NFYC: variants seen among roughly 807,000 people sequenced by gnomAD.
NFYC encodes the protein CAAT box DNA-binding protein subunit C.
Under a neutral mutation model 53.1 loss-of-function variants are expected in NFYC, and 25 were observed. The ratio of observed to expected loss-of-function variants is 0.47; its 90% CI spans 0.34 to 0.66. NFYC has a LOEUF of 0.66. Among genes scored for constraint, NFYC ranks in the 30% least tolerant of loss-of-function variants. The pLI, the probability that NFYC is intolerant of heterozygous loss-of-function variation, is 0.01. For synonymous variants in NFYC, 145 were observed against 152.6 expected (o/e 0.95, Z 0.37); for missense variants, 260 against 422.7 (o/e 0.62, Z 3.38).
At chr1:40,704,319 C>A (rs7522671) in intron 1 of NFYC, among the ~76,000 whole-genome samples, 1 of 151,984 alleles carries the variant, frequency 6.6e-6, no homozygotes, top group Non-Finnish European at 1.5e-5. Flanking sequence ...GATCTGCCCC[C>A]CTCAGCCTCC....
At chr1:40,722,375 A>G (rs1341133653) in intron 1 of NFYC, among the ~76,000 whole-genome samples, 1 of 152,190 alleles carries the variant, frequency 6.6e-6, no homozygotes, top group Non-Finnish European at 1.5e-5. Context: ...GGGCTTAAAA[A>G]TTATTTCATG....
chr1:40,694,745 G>C (rs976987375), intron 1 of NFYC, among the ~76,000 whole-genome samples: 1 of 151,764 alleles, frequency 6.6e-6, no homozygotes, highest in Non-Finnish European at 1.5e-5. Flanking sequence ...TGGCCACCTT[G>C]TTAAGATCTG....
At chr1:40,735,642 G>A (rs1644989395) in intron 1 of NFYC, 1 of 985,346 alleles carries the variant, frequency 1.0e-6, no homozygotes, top group African/African-American at 1.7e-5. Context: ...ATTAGCAAGT[G>A]TACAGAGATA....
intron 5 of NFYC, 137 bp from the exon 6 acceptor site, chr1:40,757,984 C>T: frequency 5.7e-6 from 5 of 882,380 alleles, no homozygotes; most frequent in Non-Finnish European, 8.8e-6. Flanking sequence ...TTCCACTTTC[C>T]TTTGGCTTCA....
intron 7 of NFYC, chr1:40,766,267 C>T: frequency 4.3e-6 from 1 of 233,100 alleles, no homozygotes; most frequent in Non-Finnish European, 8.4e-6. Context: ...CAGATAAATT[C>T]CTAAGATAAG....
At chr1:40,732,099 C>A (rs892633681) in intron 1 of NFYC, among the ~76,000 whole-genome samples, 1 of 152,198 alleles carries the variant, frequency 6.6e-6, no homozygotes, top group African/African-American at 2.4e-5. Context: ...TGGTCTTTTT[C>A]CCTTGGACAG....
intron 1 of NFYC, among the ~76,000 whole-genome samples, chr1:40,722,700 A>G (rs749176320): frequency 1.3e-5 from 2 of 152,230 alleles, no homozygotes; most frequent in Non-Finnish European, 2.9e-5. Flanking sequence ...GTTGCTTTAG[A>G]TGAATAGAGA....
At chr1:40,724,824 A>C (rs1020673611) in intron 1 of NFYC, among the ~76,000 whole-genome samples, 1 of 152,200 alleles carries the variant, frequency 6.6e-6, no homozygotes, top group Non-Finnish European at 1.5e-5. Flanking sequence ...TTGAAGGAAA[A>C]GTGGCTCTTC....
chr1:40,719,080 C>T (rs1644242753), intron 1 of NFYC, among the ~76,000 whole-genome samples: 1 of 152,168 alleles, frequency 6.6e-6, no homozygotes, highest in Non-Finnish European at 1.5e-5. Context: ...CCATGTTGGC[C>T]AGATGGTCTT....
At chr1:40,728,067 A>G (rs1166464073) in intron 1 of NFYC, among the ~76,000 whole-genome samples, 1 of 151,898 alleles carries the variant, frequency 6.6e-6, no homozygotes, top group East Asian at 1.9e-4. Context: ...GCGTGCACCA[A>G]CAAGCCCTGC....
In NFYC at chr1:40,771,282, C is replaced by T. The variant is rs868154934; in HGVS notation, c.*454C>T. The T allele has an allele frequency of 8.7e-6, 3 of 343,152 alleles. No homozygotes were observed. Among genetic ancestry groups the T allele is most frequent in the South Asian group, 2.4e-5 (1 of 42,134 alleles). 21.3% of individuals were successfully genotyped at this position (343,152 alleles called of 1,614,324 possible). On this transcript the variant is annotated 3_prime_UTR_variant, in exon 10 of 10. Transcript: ENST00000447388. ...CCCAAGACTTGCCACGTTGTTCTGC[C>T]CTCAGATGGAATTAGGTGAATGTGT... is the stretch of plus-strand genomic sequence containing the variant.
intron 1 of NFYC, among the ~76,000 whole-genome samples, chr1:40,704,237 A>G (rs1394937752): frequency 6.6e-6 from 1 of 152,110 alleles, no homozygotes; most frequent in Admixed American, 6.5e-5. Context: ...ACGCCCGGCT[A>G]ATTTTTTGTA....
chr1:40,726,107 T>TTG (rs34878179), intron 1 of NFYC, among the ~76,000 whole-genome samples: 28,692 of 101,866 alleles, frequency 0.28, 3,279 homozygotes, highest in East Asian at 0.59. Flanking sequence ...GTGTATGTGT[T>TTG]TGTGTGTGTG....
intron 5 of NFYC, chr1:40,757,407 G>A (rs760003786): frequency 5.7e-6 from 3 of 527,686 alleles, no homozygotes; most frequent in Admixed American, 2.0e-5. Context: ...TCTCCACTCC[G>A]CAGATCGGAC....
intron 6 of NFYC, among the ~76,000 whole-genome samples, chr1:40,760,896 G>A (rs1646509534): frequency 6.6e-6 from 1 of 152,166 alleles, no homozygotes; most frequent in African/African-American, 2.4e-5. Context: ...TGATGCCTAA[G>A]GGACCTTCTT....
intron 1 of NFYC, among the ~76,000 whole-genome samples, chr1:40,737,589 A>G (rs2148598470): frequency 6.6e-6 from 1 of 152,116 alleles, no homozygotes; most frequent in African/African-American, 2.4e-5. Context: ...TCGGCTTCCC[A>G]GAGTGTTTGG....
chr1:40,736,649 T>C (rs1645039977), intron 1 of NFYC, among the ~76,000 whole-genome samples: 1 of 152,116 alleles, frequency 6.6e-6, no homozygotes, highest in African/African-American at 2.4e-5. Flanking sequence ...TTTTAATATT[T>C]GCCAGATAAG....
At chr1:40,757,898 A>G in intron 5 of NFYC, 1 of 590,600 alleles carries the variant, frequency 1.7e-6, no homozygotes, top group East Asian at 2.9e-5. Flanking sequence ...CGTACTTCAG[A>G]AATTGGCTGT....
At chr1:40,739,334 AATTT>A (rs751614121) in intron 2 of NFYC, among the ~76,000 whole-genome samples, 185 of 152,332 alleles carry the variant, frequency 1.2e-3, no homozygotes, top group Non-Finnish European at 2.1e-3. Flanking sequence ...ACTATTGGGC[AATTT>A]ATTCAACAAC....
Sources: gnomAD v4.1 joint callset for allele counts (sites outside exome capture counted in the v4.1 genomes callset) on GRCh38, gnomAD v4.1.1 for gene constraint, MANE v1.5 for transcripts, NCBI Gene and HGNC (gene_info 2026-07-23, HGNC 2026-07-21) for gene names.